The following RNF125 variants were observed in gnomAD, a reference collection of about 807,000 sequenced individuals.
RNF125 encodes E3 ubiquitin-protein ligase RNF125.
Under a neutral mutation model 26.0 loss-of-function variants are expected in RNF125, and 21 were observed. The ratio of observed to expected loss-of-function variants is 0.81; its 90% confidence interval spans 0.57 to 1.16. The LOEUF (loss-of-function observed/expected upper bound fraction) is 1.16, where lower values mean the gene tolerates loss of function less well. Among genes scored for constraint, RNF125 ranks in the 50% most tolerant of loss-of-function variants. The probability of loss-of-function intolerance (pLI) is 0.00; values close to 1 mark genes in which losing one functional copy is unlikely to be tolerated. For missense variants in RNF125, 270 were observed against 299.4 expected, an observed-to-expected ratio of 0.90 and a Z score of 0.72; for synonymous variants, 95 against 109.2, an observed-to-expected ratio of 0.87 and a Z score of 0.81.
At chr18:32,030,530 A>G (rs2039082950) in intron 1 of RNF125, among the ~76,000 whole-genome samples, 1 of 152,212 alleles carries the variant, frequency 6.6e-6, no homozygotes, top group Non-Finnish European at 1.5e-5. Context: ...AGAAATATGC[A>G]TGAGTGGCTT....
At chr18:32,064,569 A>G (rs1244318148) in intron 4 of RNF125, among the ~76,000 whole-genome samples, 1 of 151,530 alleles carries the variant, frequency 6.6e-6, no homozygotes, top group Non-Finnish European at 1.5e-5. Context: ...TCACACACAC[A>G]CACACTGAAA....
At chr18:32,023,702 T>C (rs925312704) in intron 1 of RNF125, among the ~76,000 whole-genome samples, 3 of 152,152 alleles carry the variant, frequency 2.0e-5, no homozygotes, top group Non-Finnish European at 4.4e-5. Context: ...TGCCATGAAA[T>C]AGGAATACTC....
At chr18:32,085,344 C>T in the RNF125 span, among the ~76,000 whole-genome samples, 8 of 148,606 alleles carry the variant, frequency 5.4e-5, no homozygotes, top group East Asian at 7.9e-4. Flanking sequence ...AAGCCAAAAC[C>T]GCAGAAGAAA....
intron 4 of RNF125, among the ~76,000 whole-genome samples, chr18:32,053,254 C>A (rs1054413348): frequency 2.6e-5 from 4 of 151,838 alleles, no homozygotes; most frequent in African/African-American, 9.7e-5. Flanking sequence ...CCCAGCTACT[C>A]GGGAGACTGA....
chr18:32,053,427 G>A (rs570203610), intron 4 of RNF125, among the ~76,000 whole-genome samples: 1 of 147,080 alleles, frequency 6.8e-6, no homozygotes, highest in East Asian at 1.9e-4. Flanking sequence ...CCTGCACTGA[G>A]TATGATTATT....
intron 1 of RNF125, among the ~76,000 whole-genome samples, chr18:32,021,084 GTTTTC>G (rs1315088870): frequency 1.3e-5 from 2 of 152,090 alleles, no homozygotes; most frequent in Admixed American, 6.6e-5. Context: ...TCGTAGCTGT[GTTTTC>G]TTTTCTTTTG....
At chr18:32,029,469 A>G (rs1296507204) in intron 1 of RNF125, among the ~76,000 whole-genome samples, 1 of 151,626 alleles carries the variant, frequency 6.6e-6, no homozygotes, top group African/African-American at 2.4e-5. Flanking sequence ...ACAGAAAAAA[A>G]AAAAAAAAAA....
chr18:32,044,066 G>A (rs1305619024), intron 3 of RNF125, among the ~76,000 whole-genome samples: 2 of 151,922 alleles, frequency 1.3e-5, no homozygotes, highest in Non-Finnish European at 2.9e-5. Context: ...GAGTGCAGCA[G>A]CGCAATCTTG....
At chr18:32,076,078 C>G, downstream of RNF125, 1 of 684,006 alleles carries the variant, frequency 1.5e-6, no homozygotes, top group Non-Finnish European at 2.7e-6. Context: ...GTTTAGCCTG[C>G]CTGTGAGGTT....
intron 1 of RNF125, among the ~76,000 whole-genome samples, chr18:32,035,423 G>A (rs2039143306): frequency 6.6e-6 from 1 of 152,124 alleles, no homozygotes; most frequent in Non-Finnish European, 1.5e-5. Flanking sequence ...GAGTTAAAGA[G>A]GAAAAGAAGA....
At chr18:32,049,562 A>G (rs1220480656) in intron 4 of RNF125, among the ~76,000 whole-genome samples, 2 of 148,330 alleles carry the variant, frequency 1.3e-5, no homozygotes, top group East Asian at 4.2e-4. Context: ...TCTCACAGTT[A>G]GAGAACCCAC....
At chr18:32,044,542 A>AT (rs1476280189) in intron 3 of RNF125, among the ~76,000 whole-genome samples, 9 of 151,656 alleles carry the variant, frequency 5.9e-5, no homozygotes, top group African/African-American at 2.2e-4. Flanking sequence ...GCAAATCTGA[A>AT]TTTTTTTATT....
At chr18:32,037,364 CT>C (rs796828237) in intron 2 of RNF125, 95 bp downstream of exon 2, 10,211 of 131,756 alleles carry the variant, frequency 0.077, 67 homozygotes, top group African/African-American at 0.16. Flanking sequence ...TGGTACGCAC[CT>C]TTTTTTTTTT....
intron 3 of RNF125, among the ~76,000 whole-genome samples, chr18:32,044,863 G>A (rs1419612106): frequency 2.0e-5 from 3 of 151,892 alleles, no homozygotes; most frequent in African/African-American, 4.8e-5. Context: ...GCTCACACCC[G>A]AAATCTCAGC....
chr18:32,027,976 A>ACTT (rs2039053305), intron 1 of RNF125, among the ~76,000 whole-genome samples: 1 of 151,842 alleles, frequency 6.6e-6, no homozygotes, highest in Non-Finnish European at 1.5e-5. Context: ...TACAGATGAA[A>ACTT]CTTCACAGGT....
intron 4 of RNF125, among the ~76,000 whole-genome samples, chr18:32,063,802 G>A (rs2039456796): frequency 6.6e-6 from 1 of 152,020 alleles, no homozygotes; most frequent in South Asian, 2.1e-4. Context: ...TGCTCAATGG[G>A]AAAAGCCAAT....
At chr18:32,019,120 G>C (rs1451881178) in intron 1 of RNF125, 93 bp downstream of exon 1, 1 of 1,470,886 alleles carries the variant, frequency 6.8e-7, no homozygotes. Context: ...GGGGACGGAA[G>C]ACAGCCTCTT....
intron 2 of RNF125, among the ~76,000 whole-genome samples, chr18:32,037,911 G>C (rs1023029974): frequency 6.6e-6 from 1 of 152,110 alleles, no homozygotes; most frequent in Non-Finnish European, 1.5e-5. Context: ...GGGCGGGGAC[G>C]ATAAGGGAAT....
At chr18:32,021,722 G>A (rs12457986) in intron 1 of RNF125, among the ~76,000 whole-genome samples, 53,980 of 151,896 alleles carry the variant, frequency 0.36, 10,809 homozygotes, top group Non-Finnish European at 0.45. Flanking sequence ...TTGTTTTCTC[G>A]GTTTGGACTT....
Sources: allele counts gnomAD v4.1 joint callset (sites outside exome capture counted in the v4.1 genomes callset), GRCh38; gene constraint gnomAD v4.1.1; transcripts MANE v1.5; gene names NCBI Gene and HGNC (gene_info 2026-07-23, HGNC 2026-07-21).